The following GAS2L3 variants were observed in gnomAD, a reference collection of about 807,000 sequenced individuals.
GAS2L3 encodes growth arrest specific 2 like 3.
In GAS2L3, 28 loss-of-function variants were observed where a neutral mutation model predicts 37.0. That is an observed-to-expected ratio of 0.76 (90% CI 0.56 to 1.04). The LOEUF is 1.04. Among genes scored for constraint, GAS2L3 ranks in the 50% least tolerant of loss-of-function variants. The pLI is 0.00. For missense variants in GAS2L3, 793 were observed against 817.6 expected, an observed-to-expected ratio of 0.97 and a Z score of 0.37; for synonymous variants, 290 against 296.6, an observed-to-expected ratio of 0.98 and a Z score of 0.23.
At chr12:100,605,849 A>T (rs1956049783) in intron 5 of GAS2L3, among the ~76,000 whole-genome samples, 1 of 151,302 alleles carries the variant, frequency 6.6e-6, no homozygotes, top group South Asian at 2.1e-4. Context: ...CATTATGGTC[A>T]GAGGAGATGC....
intron 9 of GAS2L3, among the ~76,000 whole-genome samples, chr12:100,623,321 G>A (rs1264428680): frequency 1.3e-5 from 2 of 152,148 alleles, no homozygotes; most frequent in African/African-American, 4.8e-5. Context: ...TAGGATGCAA[G>A]TTATATGTAA....
At chr12:100,578,512 C>A (rs1424396058) in intron 1 of GAS2L3, 2 of 157,606 alleles carry the variant, frequency 1.3e-5, no homozygotes, top group African/African-American at 4.8e-5. Context: ...CTCTTTTCTT[C>A]ATTATTTCAA....
intron 6 of GAS2L3, among the ~76,000 whole-genome samples, chr12:100,615,290 G>A (rs1956172617): frequency 6.6e-6 from 1 of 152,034 alleles, no homozygotes; most frequent in South Asian, 2.1e-4. Flanking sequence ...TTAACCACTT[G>A]TATAACTTCT....
intron 9 of GAS2L3, among the ~76,000 whole-genome samples, chr12:100,623,360 G>A (rs912966599): frequency 6.6e-5 from 10 of 152,110 alleles, no homozygotes; most frequent in Non-Finnish European, 1.3e-4. Flanking sequence ...GGAAGATTTT[G>A]TATCATTAGT....
At chr12:100,622,749 TAAAAAAAAAAAAAAAAA>T in intron 9 of GAS2L3, among the ~76,000 whole-genome samples, 14 of 26,840 alleles carry the variant, frequency 5.2e-4, no homozygotes, top group South Asian at 2.9e-3. Context: ...GTATCCATAG[TAAAAAAAAAAAAAAAAA>T]AAAAAAAAAA....
intron 1 of GAS2L3, chr12:100,579,737 G>C (rs371914727): frequency 1.4e-5 from 10 of 740,112 alleles, no homozygotes; most frequent in African/African-American, 5.2e-5. Context: ...TAAGTACCAG[G>C]GTTGGTGGAA....
At position 100,625,035 on chromosome 12, in the gene GAS2L3, T is replaced by A. The variant is rs1956318427; in HGVS notation, c.*145T>A. 1 of 641,028 alleles carries A rather than the reference T, an allele frequency of 1.6e-6. No homozygotes were observed. The allele number at this position is 641,028 out of a possible 1,614,324, so 39.7% of individuals were successfully genotyped here. A position where few individuals can be genotyped will look rare whatever the true frequency, so the allele number is the denominator to read the frequency against. On this transcript the variant is annotated 3_prime_UTR_variant, in exon 10 of 10. Transcript: ENST00000547754. Reference sequence around the variant, plus strand: ...GAGGCTGGGATGAGGAAAGGGTTCATCAGAATTCACATATCTGAATTCACT... The same window carrying A: ...GAGGCTGGGATGAGGAAAGGGTTCAACAGAATTCACATATCTGAATTCACT...
Position 100,624,129 on chromosome 12 carries a change from C to G in GAS2L3, c.1324C>G (p.Pro442Ala). 1 of 1,613,792 alleles carries G rather than the reference C, an allele frequency of 6.2e-7. No homozygotes were observed. Among genetic ancestry groups the G allele is most frequent in the South Asian group, 1.1e-5 (1 of 91,044 alleles). The change falls in exon 10 of 10, where the codon CCC (proline) becomes GCC (alanine). Residue 442 changes from proline (P) to alanine (A), a missense_variant. Pro to Ala is a conservative substitution (Grantham distance 27). Transcript: ENST00000547754. ...PRKCISSPNT[P>A]KAKVIPAQNS... Reference sequence around the variant, plus strand: ...AAAATGTATTTCATCCCCCAATACCCCCAAGGCCAAGGTTATTCCAGCCCA... The same window carrying G: ...AAAATGTATTTCATCCCCCAATACCGCCAAGGCCAAGGTTATTCCAGCCCA...
intron 3 of GAS2L3, among the ~76,000 whole-genome samples, chr12:100,598,078 A>G (rs1176907573): frequency 6.6e-6 from 1 of 152,094 alleles, no homozygotes; most frequent in African/African-American, 2.4e-5. Context: ...ATGCACTATT[A>G]CCTCTGAATA....
chr12:100,601,773 T>A lies in GAS2L3; in HGVS notation c.303+20T>A, dbSNP rs1241937633. 8.0e-7 allele frequency: 1 copy of A among 1,246,078 alleles called. No individual in the cohort carries two copies. The highest frequency in any genetic ancestry group is 1.8e-5 in the Admixed American group (1 of 54,412). 77.2% of individuals were successfully genotyped at this position (1,246,078 alleles called of 1,614,324 possible). The stretch of plus-strand genomic sequence containing the variant: ...TCAGGGGTAAGTAAATGTTCGACAG[T>A]ATTGATTTTATGTCTTGGTACATAT... On this transcript the variant is annotated intron_variant, in intron 5 of 9. Transcript: ENST00000547754.
At position 100,627,750 on chromosome 12, in the gene GAS2L3, T is replaced by C. The variant is rs1306798623; in HGVS notation, c.*2860T>C. On this transcript the variant is annotated 3_prime_UTR_variant, in exon 10 of 10. Coordinates refer to ENST00000547754, the MANE Select transcript of GAS2L3 (RefSeq NM_174942.3). ...CTCTTCTTAATAACAGTGCAAGATT[T>C]TGTAAATTCTTTTTTGTGTTTAATG... is the stretch of plus-strand genomic sequence containing the variant. The C allele has an allele frequency of 3.9e-5, 6 of 152,214 alleles. No homozygotes were observed. The highest frequency in any genetic ancestry group is 1.4e-4 in the African/African-American group (6 of 41,454). The allele number at this position is 152,214 out of a possible 1,614,324, so 9.4% of individuals were successfully genotyped here.
chr12:100,604,391 T>C (rs994790550), intron 5 of GAS2L3, among the ~76,000 whole-genome samples: 33 of 151,924 alleles, frequency 2.2e-4, no homozygotes, highest in African/African-American at 7.7e-4. Context: ...CCTTCTCAGA[T>C]TGTTGGCACA....
At chr12:100,600,659 A>G (rs1955976902) in intron 4 of GAS2L3, 109 bp downstream of exon 4, 1 of 881,580 alleles carries the variant, frequency 1.1e-6, no homozygotes, top group Non-Finnish European at 1.8e-6. Flanking sequence ...GGGATACTCC[A>G]GTGAATGAAA....
intron 8 of GAS2L3, among the ~76,000 whole-genome samples, chr12:100,621,144 T>C (rs1273400960): frequency 6.6e-6 from 1 of 152,148 alleles, no homozygotes; most frequent in Non-Finnish European, 1.5e-5. Context: ...CTCAGCTAAA[T>C]TAGGCCTATC....
intron 1 of GAS2L3, among the ~76,000 whole-genome samples, chr12:100,587,778 C>T (rs932036976): frequency 2.8e-4 from 43 of 152,090 alleles, no homozygotes; most frequent in African/African-American, 9.2e-4. Context: ...CCAGGCTGGG[C>T]GCGGTGGCTC....
At chr12:100,623,507 T>C in intron 9 of GAS2L3, 55 bp from the exon 10 acceptor site, 1 of 1,486,624 alleles carries the variant, frequency 6.7e-7, no homozygotes, top group South Asian at 1.4e-5. Flanking sequence ...TAATGAATTG[T>C]AACTATAAAC....
At chr12:100,574,695 C>CA (rs1236953288) in intron 1 of GAS2L3, among the ~76,000 whole-genome samples, 1 of 152,024 alleles carries the variant, frequency 6.6e-6, no homozygotes, top group Non-Finnish European at 1.5e-5. Flanking sequence ...GTGTGAAGAG[C>CA]AAAAAACAAA....
At chr12:100,622,779 A>AAAAG (rs1407643503) in intron 9 of GAS2L3, among the ~76,000 whole-genome samples, 4 of 125,376 alleles carry the variant, frequency 3.2e-5, no homozygotes, top group Admixed American at 2.4e-4. Context: ...AAAAAAAAAA[A>AAAAG]AAAGAAAAGA....
At chr12:100,587,434 C>A (rs147507392) in intron 1 of GAS2L3, among the ~76,000 whole-genome samples, 1 of 152,098 alleles carries the variant, frequency 6.6e-6, no homozygotes, top group East Asian at 1.9e-4. Flanking sequence ...TTAACATATG[C>A]GAGTCAGTAA....
Sources: allele counts gnomAD v4.1 joint callset (sites outside exome capture counted in the v4.1 genomes callset), GRCh38; gene constraint gnomAD v4.1.1; transcripts MANE v1.5; gene names NCBI Gene and HGNC (gene_info 2026-07-23, HGNC 2026-07-21).